The following MYO10 variants were observed in gnomAD, a reference collection of about 807,000 sequenced individuals.
MYO10 encodes myosin X, also known as unconventional myosin-X.
MYO10 carries 133 observed loss-of-function variants against 257.3 expected under a neutral mutation model. The ratio of observed to expected loss-of-function variants is 0.52; its 90% CI spans 0.45 to 0.60. The LOEUF (loss-of-function observed/expected upper bound fraction) is 0.60, where lower values mean the gene tolerates loss of function less well. Ranked by LOEUF, MYO10 falls within the 20% of genes least tolerant of loss-of-function variation. MYO10 has a pLI of 0.00. For synonymous variants in MYO10, 1,104 were observed against 1,028.6 expected (o/e 1.07, Z -1.40); for missense variants, 2,399 against 2,635.7 (o/e 0.91, Z 1.97).
At chr5:16,810,087 G>A (rs1742390470) in intron 3 of MYO10, among the ~76,000 whole-genome samples, 1 of 152,120 alleles carries the variant, frequency 6.6e-6, no homozygotes, top group African/African-American at 2.4e-5. Flanking sequence ...TGGCCACTGA[G>A]CTTGCCTTCG....
chr5:16,676,010 G>A (rs751820533), intron 34 of MYO10, 21 bp downstream of exon 34: 54 of 1,595,344 alleles, frequency 3.4e-5, no homozygotes, highest in Admixed American at 5.4e-5. Flanking sequence ...CTGAGGAGTC[G>A]GGGTGGAGCT....
intron 1 of MYO10, among the ~76,000 whole-genome samples, chr5:16,911,346 A>G (rs2126792262): frequency 6.6e-6 from 1 of 152,334 alleles, no homozygotes; most frequent in African/African-American, 2.4e-5. Context: ...ACACAGCAGC[A>G]CTTCTTCACC....
intron 1 of MYO10, among the ~76,000 whole-genome samples, chr5:16,923,679 C>A (rs945764089): frequency 6.6e-6 from 1 of 151,620 alleles, no homozygotes; most frequent in Non-Finnish European, 1.5e-5. Context: ...CACACACACA[C>A]ACACACACAC....
rs527910551 is a variant in MYO10, at chr5:16,668,458, C to A, written c.5894G>T (p.Gly1965Val). 6.2e-7 allele frequency: 1 copy of A among 1,608,734 alleles called. No individual in the cohort carries two copies. The change falls in exon 40 of 41, where the codon GGT becomes GTT. Residue 1965 changes from glycine to valine, a missense_variant. Transcript: ENST00000513610. ...STLFDVECKE[G>V]GFPQELWLGV... The stretch of plus-strand genomic sequence containing the variant: ...CAACCAGAGTTCCTGAGGGAAGCCA[C>A]CTTCCTTGCACTGGTGGGCAAGAGT...
At chr5:16,685,644 G>GA in intron 29 of MYO10, 94 bp downstream of exon 29, 1 of 956,376 alleles carries the variant, frequency 1.0e-6, no homozygotes, top group Non-Finnish European at 1.6e-6. Flanking sequence ...AGACTGTCTG[G>GA]AAATTCCCAA....
In MYO10 at chr5:16,665,956, CCT is replaced by C. The variant is rs1417396558; in HGVS notation, c.*734_*735del. The C allele has an allele frequency of 6.6e-6, 1 of 152,526 alleles. No individual in the cohort carries two copies. Among genetic ancestry groups the C allele is most frequent in the Non-Finnish European group, 1.5e-5 (1 of 68,018 alleles). The allele number at this position is 152,526 out of a possible 1,614,324, so 9.4% of individuals were successfully genotyped here. Reference sequence around the variant, plus strand: ...GGATTTGGGTTTGTTAATAAAACCACCTTATAAAGTAACAATTGAGACTATAG... The same window carrying C: ...GGATTTGGGTTTGTTAATAAAACCACTATAAAGTAACAATTGAGACTATAG... On this transcript the variant is annotated 3_prime_UTR_variant, in exon 41 of 41. Coordinates refer to ENST00000513610, the MANE Select transcript of MYO10 (RefSeq NM_012334.3).
At chr5:16,878,547 T>C (rs1744668534) in intron 1 of MYO10, among the ~76,000 whole-genome samples, 1 of 152,214 alleles carries the variant, frequency 6.6e-6, no homozygotes. Context: ...TTCATCTTCC[T>C]TTGATTTAAT....
chr5:16,706,448 T>C (rs1378989549), intron 21 of MYO10, among the ~76,000 whole-genome samples: 6 of 152,190 alleles, frequency 3.9e-5, no homozygotes, highest in Non-Finnish European at 7.3e-5. Context: ...TCATCAAGAC[T>C]GGACTTTTAA....
intron 4 of MYO10, among the ~76,000 whole-genome samples, chr5:16,792,286 A>G (rs1741790366): frequency 6.6e-6 from 1 of 152,140 alleles, no homozygotes; most frequent in Non-Finnish European, 1.5e-5. Context: ...GCCAGTGAGA[A>G]GAACACAACC....
At chr5:16,741,363 AAG>A (rs1315040450) in intron 19 of MYO10, among the ~76,000 whole-genome samples, 5 of 152,234 alleles carry the variant, frequency 3.3e-5, no homozygotes, top group Admixed American at 6.5e-5. Context: ...GCGATTAAAA[AAG>A]AGATTATTCT....
In MYO10 at chr5:16,672,728, C is replaced by G. The variant is rs1348670729; in HGVS notation, c.5270G>C (p.Ser1757Thr). Residue 1757 changes from serine to threonine, a missense_variant, in exon 37 of 41, where the codon AGT (serine) becomes ACT (threonine). Physicochemically the swap from Ser to Thr is moderately conservative, Grantham distance 58. Coordinates refer to ENST00000513610, the MANE Select transcript of MYO10 (RefSeq NM_012334.3). Reference protein sequence around the residue: ...YNGHVDKAIESRTVVADVLAK... With the variant: ...YNGHVDKAIETRTVVADVLAK... ...TAAGACATCAGCTACGACGGTTCGA[C>G]TTTCAATGGCTTTGTCGACGTGGCC... The G allele has an allele frequency of 6.2e-7, 1 of 1,614,046 alleles. No homozygotes were observed. The highest frequency in any genetic ancestry group is 8.5e-7 in the Non-Finnish European group (1 of 1,179,896).
chr5:16,667,255 A>G (rs1234008435), intron 40 of MYO10, among the ~76,000 whole-genome samples: 1 of 152,140 alleles, frequency 6.6e-6, no homozygotes, highest in Non-Finnish European at 1.5e-5. Context: ...AGGGGCTGGG[A>G]GAGCGGCCAG....
intron 39 of MYO10, among the ~76,000 whole-genome samples, chr5:16,669,479 C>T (rs1736341221): frequency 6.6e-6 from 1 of 152,198 alleles, no homozygotes; most frequent in Non-Finnish European, 1.5e-5. Flanking sequence ...GCTGGGATTA[C>T]AGGCATGAGC....
At chr5:16,685,237 T>G (rs537500339) in intron 29 of MYO10, among the ~76,000 whole-genome samples, 1 of 152,262 alleles carries the variant, frequency 6.6e-6, no homozygotes, top group South Asian at 2.1e-4. Context: ...TTTGTTTTTT[T>G]AGGAGACAGG....
Position 16,664,375 on chromosome 5 carries a change from A to T in MYO10, c.*2317T>A, listed in dbSNP as rs1736076579. 1 of 152,200 alleles carries T rather than the reference A, an allele frequency of 6.6e-6. No individual in the cohort carries two copies. Among genetic ancestry groups the T allele is most frequent in the Non-Finnish European group, 1.5e-5 (1 of 68,036 alleles). 9.4% of individuals were successfully genotyped at this position (152,200 alleles called of 1,614,324 possible). A position where few individuals can be genotyped will look rare whatever the true frequency, so the allele number is the denominator to read the frequency against. On this transcript the variant is annotated 3_prime_UTR_variant, in exon 41 of 41. Transcript: ENST00000513610. ...GGAATCCTGAGAGGTGAGCAGTAGA[A>T]AGAAGACTTCTGTCAAATTCTTTCT...
intron 2 of MYO10, among the ~76,000 whole-genome samples, chr5:16,851,969 TGAACCTG>T (rs1743817261): frequency 1.4e-5 from 2 of 146,380 alleles, no homozygotes; most frequent in South Asian, 4.3e-4. Flanking sequence ...AAGAATCGCT[TGAACCTG>T]GGAGTTGGAG....
intron 19 of MYO10, chr5:16,713,383 A>G (rs1046392562): frequency 3.0e-6 from 3 of 985,854 alleles, no homozygotes; most frequent in East Asian, 2.3e-4. Context: ...TCTTGGGCCA[A>G]AATTCATATG....
intron 1 of MYO10, among the ~76,000 whole-genome samples, chr5:16,888,728 G>A (rs1744961515): frequency 6.6e-6 from 1 of 151,182 alleles, no homozygotes; most frequent in Admixed American, 6.6e-5. Flanking sequence ...AACAAGATAA[G>A]CCAAGACCCC....
At chr5:16,697,564 G>C (rs1221840011) in intron 26 of MYO10, among the ~76,000 whole-genome samples, 1 of 152,222 alleles carries the variant, frequency 6.6e-6, no homozygotes, top group Admixed American at 6.5e-5. Flanking sequence ...GCTGGGCATT[G>C]GCGTGTGCCT....
Sources: allele counts gnomAD v4.1 joint callset (sites outside exome capture counted in the v4.1 genomes callset), GRCh38; gene constraint gnomAD v4.1.1; transcripts MANE v1.5; gene names NCBI Gene and HGNC (gene_info 2026-07-23, HGNC 2026-07-21).